DHX35: variants seen among roughly 807,000 people sequenced by gnomAD.
DHX35 encodes the protein probable ATP-dependent RNA helicase DHX35.
A neutral mutation model predicts 99.6 loss-of-function variants in DHX35; 84 were observed. The ratio of observed to expected loss-of-function variants is 0.84; its 90% CI spans 0.71 to 1.01. DHX35 has a LOEUF of 1.01. Among genes scored for constraint, DHX35 ranks in the 50% least tolerant of loss-of-function variants. DHX35 has a pLI of 0.00. For missense variants in DHX35, 852 were observed against 888.5 expected (o/e 0.96, Z 0.52); for synonymous variants, 331 against 316.2 (o/e 1.05, Z -0.50).
In DHX35 at chr20:39,002,757, C is replaced by T. The variant is rs2086541759; in HGVS notation, c.756-15C>T. On this transcript the variant is annotated splice_polypyrimidine_tract_variant and intron_variant, in intron 9 of 21. Coordinates refer to ENST00000252011, the MANE Select transcript of DHX35 (RefSeq NM_021931.4). ...GCATATTCTAGTGATGAATTCATCC[C>T]ATTTGTCTTTTCAGTCCTGTTCCAG... The T allele has an allele frequency of 5.0e-6, 8 of 1,604,886 alleles. No homozygotes were observed. Among genetic ancestry groups the T allele is most frequent in the Non-Finnish European group, 6.8e-6 (8 of 1,172,202 alleles).
intron 1 of DHX35, 199 bp downstream of exon 1, chr20:38,962,606 G>A (rs1407848861): frequency 4.8e-6 from 3 of 621,646 alleles, no homozygotes; most frequent in South Asian, 2.0e-5. Context: ...CCTAGCGTGA[G>A]CAGAAACTCT....
At chr20:39,033,713 TAAAG>T (rs945287139) in intron 20 of DHX35, among the ~76,000 whole-genome samples, 1 of 152,226 alleles carries the variant, frequency 6.6e-6, no homozygotes, top group Non-Finnish European at 1.5e-5. Context: ...TTCCCTTAAA[TAAAG>T]GTATAATTTA....
At chr20:38,980,132 G>A (rs578258321) in intron 3 of DHX35, among the ~76,000 whole-genome samples, 23 of 152,090 alleles carry the variant, frequency 1.5e-4, no homozygotes, top group African/African-American at 5.6e-4. Context: ...TGCCATAGAA[G>A]TCTGAATCAC....
At chr20:39,016,854 A>G (rs1600429639) in intron 14 of DHX35, among the ~76,000 whole-genome samples, 1 of 129,380 alleles carries the variant, frequency 7.7e-6, no homozygotes. Flanking sequence ...GCCCATTTTT[A>G]TGTGTGCTGT....
intron 17 of DHX35, among the ~76,000 whole-genome samples, chr20:39,024,527 T>A (rs1286159377): frequency 6.6e-6 from 1 of 152,218 alleles, no homozygotes; most frequent in East Asian, 1.9e-4. Flanking sequence ...ACGGCTTAAA[T>A]CAGTTAAAAT....
chr20:39,025,836 A>G (rs1479179533), intron 18 of DHX35, among the ~76,000 whole-genome samples: 3 of 152,262 alleles, frequency 2.0e-5, no homozygotes, highest in Admixed American at 1.3e-4. Flanking sequence ...GGCCTCTAGC[A>G]GTGACAGTGA....
At chr20:38,992,604 CTGTG>C (rs10532229) in intron 7 of DHX35, among the ~76,000 whole-genome samples, 179 bp downstream of exon 7, 16 of 149,036 alleles carry the variant, frequency 1.1e-4, no homozygotes, top group Admixed American at 3.3e-4. Context: ...CTTCTCTTTT[CTGTG>C]TGTGTGTGTG....
At chr20:39,030,860 G>A (rs555615248) in intron 20 of DHX35, 85 bp downstream of exon 20, 34 of 1,459,094 alleles carry the variant, frequency 2.3e-5, no homozygotes, top group East Asian at 1.8e-4. Context: ...TCTTGACATC[G>A]CCTCTAGAAT....
intron 1 of DHX35, among the ~76,000 whole-genome samples, chr20:38,967,296 T>A (rs774817551): frequency 6.6e-6 from 1 of 152,242 alleles, no homozygotes; most frequent in African/African-American, 2.4e-5. Context: ...GTGCTTTCAC[T>A]TAGCATCACA....
chr20:39,015,748 A>G (rs1371195511), intron 14 of DHX35, among the ~76,000 whole-genome samples: 3 of 152,180 alleles, frequency 2.0e-5, no homozygotes, highest in Non-Finnish European at 4.4e-5. Context: ...GGCTTTTAGC[A>G]TATTTTCAGG....
rs770463144 is a variant in DHX35, at chr20:38,991,444, T to C, written c.451-10T>C. 6.2e-7 allele frequency: 1 copy of C among 1,610,966 alleles called. No individual in the cohort carries two copies. The highest frequency in any genetic ancestry group is 1.3e-5 in the African/African-American group (1 of 74,708). On this transcript the variant is annotated splice_polypyrimidine_tract_variant and intron_variant, in intron 5 of 21. Transcript: ENST00000252011. Reference sequence around the variant, plus strand: ...AATTATTTCTAAAGCTTTGTGTTTTTATTTTTTAGTTTCTTACTGATGGAA... The same window carrying C: ...AATTATTTCTAAAGCTTTGTGTTTTCATTTTTTAGTTTCTTACTGATGGAA...
chr20:39,037,853 T>C (rs1191439063), intron 21 of DHX35, among the ~76,000 whole-genome samples: 6 of 152,236 alleles, frequency 3.9e-5, no homozygotes, highest in Non-Finnish European at 2.9e-5. Context: ...TTTCCAATCC[T>C]ATTATCTGAT....
intron 1 of DHX35, among the ~76,000 whole-genome samples, chr20:38,964,374 A>G (rs924413922): frequency 9.9e-5 from 15 of 152,076 alleles, no homozygotes; most frequent in Admixed American, 6.6e-5. Context: ...TAAGGGCCTC[A>G]TTGTGAAAGG....
chr20:38,990,822 C>T (rs1213417056), intron 5 of DHX35, among the ~76,000 whole-genome samples: 1 of 152,090 alleles, frequency 6.6e-6, no homozygotes, highest in Non-Finnish European at 1.5e-5. Flanking sequence ...ACTATACTAT[C>T]TTATTTATTT....
intron 18 of DHX35, among the ~76,000 whole-genome samples, chr20:39,026,638 T>C (rs1175038742): frequency 2.6e-5 from 4 of 152,092 alleles, no homozygotes; most frequent in South Asian, 2.1e-4. Flanking sequence ...CCGGTCAAGC[T>C]TTGGGGTCTG....
At position 38,994,815 on chromosome 20, in the gene DHX35, TTTTAGATTCAGAAAAAGCGAGGGGATC is replaced by T. The variant is rs763714941; in HGVS notation, c.583-3_606del. 5 of 1,612,808 alleles carry T rather than the reference TTTTAGATTCAGAAAAAGCGAGGGGATC, an allele frequency of 3.1e-6. No individual in the cohort carries two copies. The East Asian group carries it at 1.1e-4, about 36-fold the overall frequency. ...TATCATTATTTCCAAATGTCTTCTT[TTTTAGATTCAGAAAAAGCGAGGGGATC>T]TTCGATTGATTGTAGCTTCAGCCAC... is the stretch of plus-strand genomic sequence containing the variant. On this transcript the variant is annotated splice_acceptor_variant and splice_polypyrimidine_tract_variant and coding_sequence_variant and intron_variant, in exon 8 of 22. Coordinates refer to ENST00000252011, the MANE Select transcript of DHX35 (RefSeq NM_021931.4). LOFTEE classifies it high-confidence loss of function.
At chr20:38,967,399 AG>A (rs1366383948) in intron 1 of DHX35, among the ~76,000 whole-genome samples, 1 of 152,174 alleles carries the variant, frequency 6.6e-6, no homozygotes, top group Non-Finnish European at 1.5e-5. Flanking sequence ...TGTTTGATCT[AG>A]GGAGGATTTT....
At chr20:38,989,143 G>C (rs1385974413) in intron 5 of DHX35, among the ~76,000 whole-genome samples, 3 of 148,640 alleles carry the variant, frequency 2.0e-5, no homozygotes, top group Non-Finnish European at 4.4e-5. Flanking sequence ...TGTCACCCAG[G>C]CTGGAGTGCG....
intron 5 of DHX35, 64 bp from the exon 6 acceptor site, chr20:38,991,390 A>G (rs2086334813): frequency 6.7e-7 from 1 of 1,485,338 alleles, no homozygotes; most frequent in Admixed American, 1.9e-5. Context: ...CTTGAACTTA[A>G]AAAATACCAT....
Sources: allele counts gnomAD v4.1 joint callset (sites outside exome capture counted in the v4.1 genomes callset), GRCh38; gene constraint gnomAD v4.1.1; transcripts MANE v1.5; gene names NCBI Gene and HGNC (gene_info 2026-07-23, HGNC 2026-07-21).